CSMD3: variants seen among roughly 807,000 people sequenced by gnomAD.
CSMD3 encodes the protein CUB and Sushi multiple domains 3.
In CSMD3, 177 loss-of-function variants were observed where a neutral mutation model predicts 435.2. The observed-to-expected ratio is 0.41, with a 90% confidence interval of 0.36 to 0.46. CSMD3 has a LOEUF of 0.46. CSMD3 is among the 20% of genes least tolerant of loss of function. CSMD3 has a pLI of 0.34. For missense variants in CSMD3, 4,265 were observed against 4,504.6 expected (o/e 0.95, Z 1.52); for synonymous variants, 1,656 against 1,520.5 (o/e 1.09, Z -2.07).
intron 3 of CSMD3, among the ~76,000 whole-genome samples, chr8:113,185,090 A>G (rs1168413302): frequency 6.6e-6 from 1 of 152,058 alleles, no homozygotes; most frequent in Non-Finnish European, 1.5e-5. Context: ...GGTCAGAACT[A>G]TAGGGCCATT....
intron 3 of CSMD3, among the ~76,000 whole-genome samples, chr8:113,250,112 A>G (rs2093320858): frequency 6.6e-6 from 1 of 152,118 alleles, no homozygotes; most frequent in South Asian, 2.1e-4. Flanking sequence ...CACGAACAAC[A>G]GTTTTCAGGA....
chr8:112,232,595 T>G lies in CSMD3; in HGVS notation c.10741-963A>C, dbSNP rs1415718947. ...CTGCACTCCAGCCTGGGCAACAGAGTGAGACTCTGCTCAAAAAAAATGAAA... is the reference window on the plus strand; with the variant it reads ...CTGCACTCCAGCCTGGGCAACAGAGGGAGACTCTGCTCAAAAAAAATGAAA... On this transcript the variant is annotated intron_variant, in intron 68 of 70. Coordinates refer to ENST00000297405, the MANE Select transcript of CSMD3 (RefSeq NM_198123.2). Among the ~76,000 whole-genome samples, 3 of 152,094 alleles carry G rather than the reference T, an allele frequency of 2.0e-5. No homozygotes were observed. The East Asian group carries it at 5.8e-4, about 30-fold the overall frequency.
chr8:113,228,103 A>G (rs552849996), intron 3 of CSMD3, among the ~76,000 whole-genome samples: 1 of 151,726 alleles, frequency 6.6e-6, no homozygotes, highest in South Asian at 2.1e-4. Flanking sequence ...TTGTTAACAT[A>G]ATAATATAAT....
chr8:112,344,030 G>A (rs920712376), intron 41 of CSMD3, among the ~76,000 whole-genome samples: 6 of 152,102 alleles, frequency 3.9e-5, no homozygotes, highest in East Asian at 1.9e-4. Context: ...CTACAGGTGC[G>A]TGCCACCATG....
At chr8:112,999,959 T>A (rs541124104) in intron 6 of CSMD3, among the ~76,000 whole-genome samples, 1 of 152,118 alleles carries the variant, frequency 6.6e-6, no homozygotes, top group East Asian at 1.9e-4. Flanking sequence ...TTACAGGTAC[T>A]TGCATAAGGT....
At chr8:112,813,790 G>T (rs781102365) in intron 12 of CSMD3, among the ~76,000 whole-genome samples, 1 of 152,074 alleles carries the variant, frequency 6.6e-6, no homozygotes, top group Non-Finnish European at 1.5e-5. Flanking sequence ...CTCTTATAAG[G>T]GTGAGTAGAG....
At position 113,014,688 on chromosome 8, in the gene CSMD3, G is replaced by A. The variant is rs77225171; in HGVS notation, c.1030+4379C>T. The stretch of plus-strand genomic sequence containing the variant: ...TTATGAAAGCTTAACTACCCCCAAG[G>A]GAAGGAGTCAGGGAATGTTTCAGAG... On this transcript the variant is annotated intron_variant, in intron 6 of 70. Transcript: ENST00000297405. 6.6e-3 allele frequency among the ~76,000 whole-genome samples: 1,000 copies of A among 152,110 alleles called. 12 individuals are homozygous for A. The highest frequency in any genetic ancestry group is 0.023 in the African/African-American group (959 of 41,500).
intron 2 of CSMD3, among the ~76,000 whole-genome samples, chr8:113,305,296 TATA>T (rs1306627781): frequency 6.6e-6 from 1 of 152,040 alleles, no homozygotes; most frequent in Non-Finnish European, 1.5e-5. Context: ...AAACTTAAAG[TATA>T]ATAATAATAA....
intron 13 of CSMD3, among the ~76,000 whole-genome samples, chr8:112,719,055 T>C (rs1587068435): frequency 1.3e-5 from 2 of 152,154 alleles, no homozygotes; most frequent in Non-Finnish European, 2.9e-5. Flanking sequence ...AAATCAACTA[T>C]CAAATCAAAA....
intron 1 of CSMD3, among the ~76,000 whole-genome samples, chr8:113,403,658 T>C (rs1292824122): frequency 6.6e-6 from 1 of 151,426 alleles, no homozygotes; most frequent in Non-Finnish European, 1.5e-5. Flanking sequence ...CCTTATAAAA[T>C]ATCCAGTAAC....
chr8:112,976,071 C>CAGCACAT lies in CSMD3; in HGVS notation c.1107_1108insATGTGCT (p.Val370MetfsTer5). ...GTAACATCTGCAGGTGTGCTAGCAA[C>CAGCACAT]AGCAATAGCACCAGTGGTAGTCCTG... On this transcript the variant is annotated frameshift_variant, in exon 7 of 71. Coordinates refer to ENST00000297405, the MANE Select transcript of CSMD3 (RefSeq NM_198123.2). LOFTEE classifies it high-confidence loss of function. 1 of 1,614,042 alleles carries CAGCACAT rather than the reference C, an allele frequency of 6.2e-7. No individual in the cohort carries two copies. Among genetic ancestry groups the CAGCACAT allele is most frequent in the Non-Finnish European group, 8.5e-7 (1 of 1,179,950 alleles).
At chr8:112,711,477 G>C (rs1041232250) in intron 13 of CSMD3, among the ~76,000 whole-genome samples, 3 of 151,984 alleles carry the variant, frequency 2.0e-5, no homozygotes, top group Non-Finnish European at 2.9e-5. Flanking sequence ...ACTTATTTTC[G>C]TGTGCCTAGC....
chr8:112,810,324 C>A (rs1311601051), intron 12 of CSMD3, among the ~76,000 whole-genome samples: 1 of 151,922 alleles, frequency 6.6e-6, no homozygotes, highest in African/African-American at 2.4e-5. Context: ...CAGGCACACA[C>A]AATTTTTTAA....
rs1563904189 is a variant in CSMD3, at chr8:112,405,212, C to CAAAAAAAA, written c.5809+1311_5809+1312insTTTTTTTT. Among the ~76,000 whole-genome samples the CAAAAAAAA allele has an allele frequency of 6.0e-5, 2 of 33,088 alleles. 1 individual carries two copies. Among genetic ancestry groups the CAAAAAAAA allele is most frequent in the Non-Finnish European group, 1.0e-4 (2 of 19,794 alleles). 21.7% of individuals were successfully genotyped at this position (33,088 alleles called of 152,430 possible). On this transcript the variant is annotated intron_variant, in intron 35 of 70. Coordinates refer to ENST00000297405, the MANE Select transcript of CSMD3 (RefSeq NM_198123.2). The stretch of plus-strand genomic sequence containing the variant: ...AAAAAAAAAAAAAAAAAAAAAAACC[C>CAAAAAAAA]CCATATATATATATATATATATATA...
chr8:112,781,881 C>T (rs949179320), intron 13 of CSMD3, among the ~76,000 whole-genome samples: 1 of 152,130 alleles, frequency 6.6e-6, no homozygotes, highest in Non-Finnish European at 1.5e-5. Flanking sequence ...GCTTGGGGTG[C>T]CCCTTAATGC....
chr8:112,578,702 A>G (rs1830124455), intron 23 of CSMD3, among the ~76,000 whole-genome samples: 1 of 152,102 alleles, frequency 6.6e-6, no homozygotes, highest in Non-Finnish European at 1.5e-5. Context: ...ACTTTTTCTA[A>G]GAAGGGTTAG....
At chr8:112,883,144 AC>A (rs888008936) in intron 10 of CSMD3, among the ~76,000 whole-genome samples, 8 of 151,746 alleles carry the variant, frequency 5.3e-5, no homozygotes, top group African/African-American at 1.9e-4. Flanking sequence ...ACATATCTGA[AC>A]CCCAGGCCAA....
At chr8:112,454,543 C>T (rs888032117) in intron 32 of CSMD3, among the ~76,000 whole-genome samples, 2 of 152,088 alleles carry the variant, frequency 1.3e-5, no homozygotes, top group Admixed American at 6.6e-5. Context: ...AATGATATAC[C>T]ATCTCACATT....
At chr8:112,521,322 T>C (rs1276306113) in intron 27 of CSMD3, among the ~76,000 whole-genome samples, 1 of 151,986 alleles carries the variant, frequency 6.6e-6, no homozygotes, top group Non-Finnish European at 1.5e-5. Flanking sequence ...TATTCCACTG[T>C]TTTTAAATCC....
Sources: allele counts gnomAD v4.1 joint callset (sites outside exome capture counted in the v4.1 genomes callset), GRCh38; gene constraint gnomAD v4.1.1; transcripts MANE v1.5; gene names NCBI Gene and HGNC (gene_info 2026-07-23, HGNC 2026-07-21).